Variants in ADGRG5 observed in about 807,000 individuals in gnomAD.
The protein encoded by ADGRG5 is adhesion G protein-coupled receptor G5.
ADGRG5 carries 37 observed loss-of-function variants against 53.2 expected under a neutral mutation model. That is an observed-to-expected ratio of 0.70 (90% CI 0.53 to 0.91). The LOEUF is 0.91. Among genes scored for constraint, ADGRG5 ranks in the 40% least tolerant of loss-of-function variants. The pLI, the probability that ADGRG5 is intolerant of heterozygous loss-of-function variation, is 0.00. For synonymous variants in ADGRG5, 277 were observed against 290.4 expected (o/e 0.95, Z 0.47); for missense variants, 614 against 675.8 (o/e 0.91, Z 1.01).
At chr16:57,544,212 A>G (rs2032562887) in intron 1 of ADGRG5, among the ~76,000 whole-genome samples, 1 of 152,172 alleles carries the variant, frequency 6.6e-6, no homozygotes, top group Admixed American at 6.5e-5. Flanking sequence ...GTAGAACCTC[A>G]AGCAGACTCC....
chr16:57,553,301 T>C (rs1185832441), intron 1 of ADGRG5, among the ~76,000 whole-genome samples: 1 of 152,110 alleles, frequency 6.6e-6, no homozygotes, highest in African/African-American at 2.4e-5. Flanking sequence ...ACCTGTACAG[T>C]TTTAGTCTTG....
chr16:57,565,672 A>G (rs74019567), intron 6 of ADGRG5: 1,600 of 159,192 alleles, frequency 0.01, 27 homozygotes, highest in African/African-American at 0.036. Flanking sequence ...CCATCCCTGC[A>G]CCTGTCACTG....
In ADGRG5 at chr16:57,545,108, A is replaced by C. The variant is rs183733432; in HGVS notation, c.-39+2407A>C. 2.4e-4 allele frequency among the ~76,000 whole-genome samples: 37 copies of C among 152,248 alleles called. No homozygotes were observed. The East Asian group carries it at 6.0e-3, about 25-fold the overall frequency. ...AATCTTGTCCCTTGTCTTTTCTCTG[A>C]GGTTCTGAGAGGGTAAGTAAATAGC... On this transcript the variant is annotated intron_variant, in intron 1 of 11. Coordinates refer to ENST00000349457, the MANE Select transcript of ADGRG5 (RefSeq NM_001304376.3).
At chr16:57,539,454 C>T (rs4784821), upstream of ADGRG5, among the ~76,000 whole-genome samples, 50,946 of 141,402 alleles carry the variant, frequency 0.36, 9,463 homozygotes, top group East Asian at 0.43. Flanking sequence ...CACTGTACCC[C>T]TTTTTTTTTT....
intron 1 of ADGRG5, among the ~76,000 whole-genome samples, chr16:57,554,667 C>T (rs552715888): frequency 2.6e-4 from 39 of 152,266 alleles, no homozygotes; most frequent in South Asian, 1.2e-3. Context: ...TGAGCCACCA[C>T]GCTCGGCCAT....
At chr16:57,561,923 C>T (rs2033010882) in intron 1 of ADGRG5, 133 bp from the exon 2 acceptor site, 1 of 483,640 alleles carries the variant, frequency 2.1e-6, no homozygotes, top group Non-Finnish European at 3.6e-6. Flanking sequence ...TCATCCTCAG[C>T]TTCCTCATCT....
At chr16:57,561,885 G>T (rs2033009620) in intron 1 of ADGRG5, among the ~76,000 whole-genome samples, 171 bp from the exon 2 acceptor site, 3 of 152,230 alleles carry the variant, frequency 2.0e-5, no homozygotes, top group Admixed American at 2.0e-4. Context: ...CTTTAGGCAG[G>T]TTTAAGTAAA....
At chr16:57,569,921 C>A (rs2033297457) in intron 9 of ADGRG5, among the ~76,000 whole-genome samples, 1 of 151,342 alleles carries the variant, frequency 6.6e-6, no homozygotes, top group South Asian at 2.1e-4. Context: ...ACCATCATCA[C>A]CTCCATCTCC....
chr16:57,541,641 C>T (rs1481891656), upstream of ADGRG5, among the ~76,000 whole-genome samples: 2 of 152,200 alleles, frequency 1.3e-5, no homozygotes, highest in Non-Finnish European at 2.9e-5. Flanking sequence ...ATGTTAGGAC[C>T]TGTCTGGTTT....
chr16:57,538,702 C>T (rs1020011956), upstream of ADGRG5, among the ~76,000 whole-genome samples: 1 of 152,236 alleles, frequency 6.6e-6, no homozygotes, highest in Non-Finnish European at 1.5e-5. Context: ...GCCTGTCCCA[C>T]TCAGTTCAGG....
chr16:57,569,261 C>A (rs1451462825), intron 9 of ADGRG5, among the ~76,000 whole-genome samples: 2 of 150,442 alleles, frequency 1.3e-5, no homozygotes, highest in Non-Finnish European at 3.0e-5. Flanking sequence ...ACCACCTCCT[C>A]CACCTCCATC....
chr16:57,566,844 G>A (rs895288743), intron 7 of ADGRG5, 93 bp downstream of exon 7: 28 of 1,184,988 alleles, frequency 2.4e-5, no homozygotes, highest in Admixed American at 3.0e-5. Flanking sequence ...GGGACAGAAA[G>A]TCCAACTGAA....
At chr16:57,545,429 A>G (rs4784825) in intron 1 of ADGRG5, among the ~76,000 whole-genome samples, 71,230 of 151,952 alleles carry the variant, frequency 0.47, 17,126 homozygotes, top group East Asian at 0.67. Context: ...GCTTCCTCCT[A>G]TGATCCCAGC....
the ADGRG5 span, among the ~76,000 whole-genome samples, chr16:57,530,610 A>G: frequency 4.6e-5 from 7 of 152,056 alleles, no homozygotes; most frequent in Non-Finnish European, 8.8e-5. Context: ...ATTTGCAGTG[A>G]AAAAGGAAGC....
intron 1 of ADGRG5, among the ~76,000 whole-genome samples, chr16:57,555,044 T>C (rs1373099675): frequency 2.0e-5 from 3 of 152,234 alleles, no homozygotes; most frequent in African/African-American, 7.2e-5. Context: ...CTTTGTGTGC[T>C]TTTAATCCTT....
intron 1 of ADGRG5, among the ~76,000 whole-genome samples, chr16:57,559,052 G>T (rs534824040): frequency 6.9e-6 from 1 of 145,606 alleles, no homozygotes. Context: ...GTTTTGCCAT[G>T]TTGCCCAGGC....
At chr16:57,561,706 A>G (rs1596786206) in intron 1 of ADGRG5, among the ~76,000 whole-genome samples, 1 of 152,162 alleles carries the variant, frequency 6.6e-6, no homozygotes. Context: ...GCAGGGCTGG[A>G]TGGGGTTTAC....
rs753992188 is a variant in ADGRG5, at chr16:57,563,250, C to G, written c.297+3C>G. The G allele has an allele frequency of 6.2e-7, 1 of 1,613,280 alleles. No homozygotes were observed. Among genetic ancestry groups the G allele is most frequent in the East Asian group, 2.2e-5 (1 of 44,890 alleles). On this transcript the variant is annotated splice_donor_region_variant and intron_variant, in intron 4 of 11. Transcript: ENST00000349457. ...CCACTCTGAAGCGGGTGCCCCAGGT[C>G]AGAGGCTGCGGGTTGGGGGGTGTGG...
At chr16:57,569,636 C>CGT (rs1371863831) in intron 9 of ADGRG5, among the ~76,000 whole-genome samples, 1 of 151,726 alleles carries the variant, frequency 6.6e-6, no homozygotes, top group African/African-American at 2.4e-5. Flanking sequence ...ACCTCCTCCA[C>CGT]CTTCATCATC....
Sources: allele counts gnomAD v4.1 joint callset (sites outside exome capture counted in the v4.1 genomes callset), GRCh38; gene constraint gnomAD v4.1.1; transcripts MANE v1.5; gene names NCBI Gene and HGNC (gene_info 2026-07-23, HGNC 2026-07-21).